CFAP44: variants seen among roughly 807,000 people sequenced by gnomAD.
CFAP44 encodes cilia- and flagella-associated protein 44.
CFAP44 carries 134 observed loss-of-function variants against 216.2 expected under a neutral mutation model. That is an observed-to-expected ratio of 0.62 (90% CI 0.54 to 0.72). CFAP44 has a LOEUF of 0.72. Ranked by LOEUF, CFAP44 falls within the 30% of genes least tolerant of loss-of-function variation. The probability of loss-of-function intolerance (pLI) is 0.00; values close to 1 mark genes in which losing one functional copy is unlikely to be tolerated. For synonymous variants in CFAP44, 700 were observed against 727.6 expected (o/e 0.96, Z 0.61); for missense variants, 2,035 against 2,182.1 (o/e 0.93, Z 1.34).
Position 113,406,867 on chromosome 3 carries a change from G to C in CFAP44, c.1005+60C>G, listed in dbSNP as rs1304390177. On this transcript the variant is annotated intron_variant, in intron 8 of 34. Coordinates refer to ENST00000393845, the MANE Select transcript of CFAP44 (RefSeq NM_001164496.2). ...CTTGTTAGAATTTTCATATATGTGTGCTTTCATATATGTACTTGAAAACAC... is the reference window on the plus strand; with the variant it reads ...CTTGTTAGAATTTTCATATATGTGTCCTTTCATATATGTACTTGAAAACAC... The C allele has an allele frequency of 3.4e-6, 4 of 1,179,132 alleles. No homozygotes were observed. The East Asian group carries it at 7.2e-5, about 21-fold the overall frequency. The allele number at this position is 1,179,132 out of a possible 1,614,324, so 73.0% of individuals were successfully genotyped here.
chr3:113,290,339 A>AC lies in CFAP44; in HGVS notation c.*1217_*1218insG, dbSNP rs1949816797. On this transcript the variant is annotated 3_prime_UTR_variant, in exon 35 of 35. Transcript: ENST00000393845. The stretch of plus-strand genomic sequence containing the variant: ...AGGCCAAGTGGCCACCTCTAAGAAT[A>AC]TGCTGATGTACAAAGAAAGCAAGAC... 1 of 152,320 alleles carries AC rather than the reference A, an allele frequency of 6.6e-6. No individual in the cohort carries two copies. Among genetic ancestry groups the AC allele is most frequent in the South Asian group, 2.1e-4 (1 of 4,826 alleles). 9.4% of individuals were successfully genotyped at this position (152,320 alleles called of 1,614,324 possible).
chr3:113,439,712 T>G (rs1303493920), intron 1 of CFAP44, among the ~76,000 whole-genome samples: 1 of 152,164 alleles, frequency 6.6e-6, no homozygotes, highest in Non-Finnish European at 1.5e-5. Flanking sequence ...TAGTACACAT[T>G]GATGCAGAGG....
intron 28 of CFAP44, among the ~76,000 whole-genome samples, chr3:113,324,455 T>G (rs1406940725): frequency 6.6e-6 from 1 of 152,204 alleles, no homozygotes; most frequent in East Asian, 1.9e-4. Context: ...CAATTCTGAT[T>G]TAATAATCCA....
At chr3:113,372,286 T>G (rs921766527) in intron 18 of CFAP44, among the ~76,000 whole-genome samples, 2 of 152,214 alleles carry the variant, frequency 1.3e-5, no homozygotes, top group African/African-American at 4.8e-5. Context: ...ATACGTATGT[T>G]TATTGCAGCA....
chr3:113,295,877 C>A (rs528020747), intron 33 of CFAP44, among the ~76,000 whole-genome samples: 2 of 152,286 alleles, frequency 1.3e-5, no homozygotes, highest in South Asian at 2.1e-4. Context: ...ATAGCCACTC[C>A]ATTTCTAAAA....
In CFAP44 at chr3:113,326,461, T is replaced by C; in HGVS notation, c.4500A>G (p.Glu1500=). 6.7e-7 allele frequency: 1 copy of C among 1,502,130 alleles called. No homozygotes were observed. The highest frequency in any genetic ancestry group is 8.8e-7 in the Non-Finnish European group (1 of 1,135,176). 93.1% of individuals were successfully genotyped at this position (1,502,130 alleles called of 1,614,324 possible). A position where few individuals can be genotyped will look rare whatever the true frequency, so the allele number is the denominator to read the frequency against. ...AATACAAACCAGCATCTCCTTCAAC[T>C]TCTTTTTTCTTTACCCGTTTAATCT... is the stretch of plus-strand genomic sequence containing the variant. ...KKKIKRVKKK[E]VEGDADEDEE... Residue 1500 remains glutamate (E), a synonymous_variant, in exon 28 of 35, where the codon GAA becomes GAG. Transcript: ENST00000393845.
intron 31 of CFAP44, 22 bp from the exon 32 acceptor site, chr3:113,304,139 A>G (rs1214938469): frequency 1.3e-6 from 2 of 1,524,750 alleles, no homozygotes; most frequent in Admixed American, 4.0e-5. Flanking sequence ...AAACAAATCA[A>G]AAGAAAATAG....
intron 22 of CFAP44, among the ~76,000 whole-genome samples, chr3:113,347,066 C>A (rs1950391999): frequency 6.6e-6 from 1 of 152,168 alleles, no homozygotes; most frequent in African/African-American, 2.4e-5. Context: ...CCATCAGACC[C>A]CTTTAGCTTG....
intron 15 of CFAP44, among the ~76,000 whole-genome samples, chr3:113,381,794 G>GCTTAA (rs1272146647): frequency 1.3e-5 from 2 of 152,102 alleles, no homozygotes; most frequent in Non-Finnish European, 2.9e-5. Flanking sequence ...TTTCTTAAGT[G>GCTTAA]GTAGGGATAA....
intron 28 of CFAP44, among the ~76,000 whole-genome samples, chr3:113,321,304 T>G (rs1165426577): frequency 2.0e-5 from 3 of 152,192 alleles, no homozygotes; most frequent in Admixed American, 6.5e-5. Flanking sequence ...AGAAAAAGTT[T>G]TCAAGAAAAT....
chr3:113,374,331 C>A (rs375825127), intron 17 of CFAP44, among the ~76,000 whole-genome samples: 1 of 152,022 alleles, frequency 6.6e-6, no homozygotes, highest in Non-Finnish European at 1.5e-5. Flanking sequence ...GCATTTGGCA[C>A]TGCTTTACTC....
At chr3:113,440,631 C>T (rs1935339015) in intron 1 of CFAP44, among the ~76,000 whole-genome samples, 1 of 152,146 alleles carries the variant, frequency 6.6e-6, no homozygotes. Flanking sequence ...TTTGTCTTCC[C>T]TTCTGTAACC....
chr3:113,296,816 T>C lies in CFAP44; in HGVS notation c.5147A>G (p.Gln1716Arg). ...AAGTGTTGTATTAACAGAAAGCGTTTGAAGGGCTTCTAGATTTACCACACG... is the reference window on the plus strand; with the variant it reads ...AAGTGTTGTATTAACAGAAAGCGTTCGAAGGGCTTCTAGATTTACCACACG... ...FGRVVNLEAL[Q>R]TLSVNTTLEE... is the part of the protein sequence containing the mutation. The change falls in exon 33 of 35, where the codon CAA (glutamine) becomes CGA (arginine). Residue 1716 changes from glutamine to arginine, a missense_variant. By Grantham distance (43) the Gln-to-Arg change is conservative. Coordinates refer to ENST00000393845, the MANE Select transcript of CFAP44 (RefSeq NM_001164496.2). The C allele has an allele frequency of 2.0e-6, 3 of 1,537,592 alleles. No homozygotes were observed. The highest frequency in any genetic ancestry group is 2.6e-6 in the Non-Finnish European group (3 of 1,146,980).
At chr3:113,387,165 A>G (rs1348251443) in intron 15 of CFAP44, among the ~76,000 whole-genome samples, 1 of 152,172 alleles carries the variant, frequency 6.6e-6, no homozygotes, top group African/African-American at 2.4e-5. Flanking sequence ...GCTCAGAGCC[A>G]GTGGATTTTG....
intron 25 of CFAP44, 144 bp downstream of exon 25, chr3:113,333,262 G>A: frequency 1.4e-6 from 1 of 733,112 alleles, no homozygotes; most frequent in Non-Finnish European, 2.1e-6. Context: ...GGACATTCTA[G>A]ATAATCATGG....
At chr3:113,318,736 A>C (rs750798154) in intron 28 of CFAP44, among the ~76,000 whole-genome samples, 4 of 152,146 alleles carry the variant, frequency 2.6e-5, no homozygotes, top group Non-Finnish European at 5.9e-5. Context: ...CTCTGAGCAG[A>C]AATCTTACAA....
chr3:113,414,697 C>A (rs1934592719), intron 6 of CFAP44, among the ~76,000 whole-genome samples: 6 of 152,068 alleles, frequency 3.9e-5, no homozygotes, highest in Admixed American at 3.9e-4. Context: ...GCCTTGCATA[C>A]CAGGGATGAA....
intron 2 of CFAP44, 108 bp from the exon 3 acceptor site, chr3:113,427,447 TAC>T: frequency 1.3e-6 from 1 of 761,854 alleles, no homozygotes; most frequent in Non-Finnish European, 2.0e-6. Flanking sequence ...ATAAATCTAA[TAC>T]ATACTCAAAA....
Position 113,363,320 on chromosome 3 carries a change from AT to A in CFAP44, c.2772-14del. ...AGCATTCTCGATACTGAAAACAGAA[AT>A]TTAAAACAATAACAGGTTGTGATAC... is the stretch of plus-strand genomic sequence containing the variant. On this transcript the variant is annotated splice_polypyrimidine_tract_variant and intron_variant, in intron 20 of 34. Coordinates refer to ENST00000393845, the MANE Select transcript of CFAP44 (RefSeq NM_001164496.2). 1 of 1,595,664 alleles carries A rather than the reference AT, an allele frequency of 6.3e-7. No homozygotes were observed. Among genetic ancestry groups the A allele is most frequent in the South Asian group, 1.2e-5 (1 of 86,688 alleles).
Sources: gnomAD v4.1 joint callset for allele counts (sites outside exome capture counted in the v4.1 genomes callset) on GRCh38, gnomAD v4.1.1 for gene constraint, MANE v1.5 for transcripts, NCBI Gene and HGNC (gene_info 2026-07-23, HGNC 2026-07-21) for gene names.